ERN2: variants seen among roughly 807,000 people sequenced by gnomAD.
ERN2 encodes serine/threonine-protein kinase/endoribonuclease IRE2.
In ERN2, 111 loss-of-function variants were observed where a neutral mutation model predicts 107.9. That is an observed-to-expected ratio of 1.03 (90% CI 0.88 to 1.20). The LOEUF (loss-of-function observed/expected upper bound fraction) is 1.20, where lower values mean the gene tolerates loss of function less well. Among genes scored for constraint, ERN2 ranks in the 50% most tolerant of loss-of-function variants. ERN2 has a pLI of 0.00. For synonymous variants in ERN2, 524 were observed against 501.7 expected, an observed-to-expected ratio of 1.04 and a Z score of -0.59; for missense variants, 1,225 against 1,197.9, an observed-to-expected ratio of 1.02 and a Z score of -0.33.
chr16:23,693,597 A>AT (rs1555466485), intron 17 of ERN2, among the ~76,000 whole-genome samples: 5 of 140,212 alleles, frequency 3.6e-5, no homozygotes, highest in African/African-American at 1.4e-4. Context: ...CTCAAAAAAA[A>AT]AAAAATATAT....
At chr16:23,702,603 C>T in intron 9 of ERN2, 21 bp downstream of exon 9, 1 of 1,614,098 alleles carries the variant, frequency 6.2e-7, no homozygotes, top group Non-Finnish European at 8.5e-7. Context: ...CTTTCCAGCC[C>T]ACTCAGAGAC....
chr16:23,699,766 A>T (rs929512168), intron 13 of ERN2, among the ~76,000 whole-genome samples: 3 of 152,182 alleles, frequency 2.0e-5, no homozygotes, highest in Non-Finnish European at 4.4e-5. Flanking sequence ...AGAAAAGATA[A>T]GTGTTTAAAA....
At chr16:23,712,746 A>G in intron 1 of ERN2, 1 of 271,588 alleles carries the variant, frequency 3.7e-6, no homozygotes, top group Non-Finnish European at 6.9e-6. Context: ...AGTCAATCAT[A>G]TTTTCAAAGG....
At position 23,695,194 on chromosome 16, in the gene ERN2, A is replaced by G; in HGVS notation, c.1800+6T>C. On this transcript the variant is annotated splice_donor_region_variant and intron_variant, in intron 15 of 21. Transcript: ENST00000256797. Reference sequence around the variant, plus strand: ...CTCACCCTCCCTGAACCGCAATGCAACTCACCTCCTGCAAGGAGGCCCGGC... The same window carrying G: ...CTCACCCTCCCTGAACCGCAATGCAGCTCACCTCCTGCAAGGAGGCCCGGC... The G allele has an allele frequency of 6.2e-7, 1 of 1,613,810 alleles. No individual in the cohort carries two copies. Among genetic ancestry groups the G allele is most frequent in the Non-Finnish European group, 8.5e-7 (1 of 1,179,842 alleles).
chr16:23,695,013 G>C lies in ERN2; in HGVS notation c.1900+6C>G, dbSNP rs367793071. The C allele has an allele frequency of 2.5e-6, 4 of 1,612,806 alleles. No individual in the cohort carries two copies. Among genetic ancestry groups the C allele is most frequent in the Non-Finnish European group, 3.4e-6 (4 of 1,179,366 alleles). On this transcript the variant is annotated splice_donor_region_variant and intron_variant, in intron 16 of 21. Coordinates refer to ENST00000256797, the MANE Select transcript of ERN2 (RefSeq NM_033266.4). ...AGGGAGCGGGAGGCAGGGGAAGTGCGGGTACCTATGTGTAAAGAGTGCAGG... is the reference window on the plus strand; with the variant it reads ...AGGGAGCGGGAGGCAGGGGAAGTGCCGGTACCTATGTGTAAAGAGTGCAGG...
chr16:23,692,217 G>T lies in ERN2; in HGVS notation c.2215C>A (p.Pro739Thr). The T allele has an allele frequency of 6.2e-7, 1 of 1,614,156 alleles. No individual in the cohort carries two copies. The highest frequency in any genetic ancestry group is 8.5e-7 in the Non-Finnish European group (1 of 1,180,022). The change falls in exon 18 of 22, where the codon CCC becomes ACC. Residue 739 changes from proline (P) to threonine (T), a missense_variant. Pro to Thr is a conservative substitution (Grantham distance 38, BLOSUM62 -1). Transcript: ENST00000256797. ...YRQANILTGA[P>T]CLAHLEEEVH... ...TCTTCCTCCAGGTGAGCCAGACAGG[G>T]AGCCCCTGTGAGGATGTTTGCCTGG...
rs776899206 is a variant in ERN2 at position 23,700,665 on chromosome 16, G to C, written c.1399C>G (p.Leu467Val). ...QVVEKQQETP[L>V]APADFAHISQ... Reference sequence around the variant, plus strand: ...ATGTGAGCAAAGTCTGCAGGTGCCAGGGGGGTCTCCTGCTGCTTCTCCACC... The same window carrying C: ...ATGTGAGCAAAGTCTGCAGGTGCCACGGGGGTCTCCTGCTGCTTCTCCACC... Residue 467 changes from leucine (L) to valine (V), a missense_variant, in exon 13 of 22, where the codon CTG becomes GTG. Physicochemically the swap from Leu to Val is conservative, Grantham distance 32 (BLOSUM62 1). Transcript: ENST00000256797. The C allele has an allele frequency of 6.2e-6, 10 of 1,613,186 alleles. No homozygotes were observed. The highest frequency in any genetic ancestry group is 7.6e-6 in the Non-Finnish European group (9 of 1,179,644).
rs1035554944 is a variant in ERN2 at position 23,696,204 on chromosome 16, G to A, written c.1526-226C>T. Reference sequence around the variant, plus strand: ...CAAATTCCTCACTTCTGTGCCCTCGGTATTCTCATCTGTAGAGTGGGGAGC... The same window carrying A: ...CAAATTCCTCACTTCTGTGCCCTCGATATTCTCATCTGTAGAGTGGGGAGC... On this transcript the variant is annotated intron_variant, in intron 13 of 21. Transcript: ENST00000256797. Among the ~76,000 whole-genome samples the A allele has an allele frequency of 1.7e-4, 26 of 152,314 alleles. No homozygotes were observed. In the East Asian group the frequency reaches 4.4e-3, roughly 26 times the overall value.
At chr16:23,702,762 A>G in intron 8 of ERN2, 60 bp from the exon 9 acceptor site, 6 of 1,390,404 alleles carry the variant, frequency 4.3e-6, no homozygotes, top group East Asian at 2.3e-5. Context: ...AGTTTCAGTT[A>G]TCAAGGTACT....
At chr16:23,696,091 C>A in intron 13 of ERN2, 113 bp from the exon 14 acceptor site, 1 of 751,686 alleles carries the variant, frequency 1.3e-6, no homozygotes, top group East Asian at 2.7e-5. Flanking sequence ...CATGCTCAGC[C>A]TGGTGCAGTG....
At chr16:23,695,427 A>C (rs1468886218) in intron 14 of ERN2, 38 bp from the exon 15 acceptor site, 1 of 1,546,438 alleles carries the variant, frequency 6.5e-7, no homozygotes, top group Admixed American at 2.0e-5. Context: ...GGGGGCATTC[A>C]GGGAAAGCAG....
At position 23,701,112 on chromosome 16, in the gene ERN2, T is replaced by G. The variant is rs763050171; in HGVS notation, c.1206A>C (p.Leu402=). The G allele has an allele frequency of 6.2e-7, 1 of 1,612,722 alleles. No individual in the cohort carries two copies. Among genetic ancestry groups the G allele is most frequent in the Non-Finnish European group, 8.5e-7 (1 of 1,179,552 alleles). Residue 402 remains leucine, a splice_region_variant and synonymous_variant, in exon 12 of 22, where the codon CTA becomes CTC. Transcript: ENST00000256797. ...NTQAPAFFLE[L]LSLSREKLWD... The stretch of plus-strand genomic sequence containing the variant: ...AAAGTTTCTCTCGGCTCAGGCTCAA[T>G]AGCTGGGGATAAAGGGCCCTTCACT...
At chr16:23,707,400 C>T (rs1460009777) in intron 4 of ERN2, 2 of 354,174 alleles carry the variant, frequency 5.6e-6, no homozygotes, top group Non-Finnish European at 1.1e-5. Context: ...TGCTCTCGGC[C>T]TGACCTGACC....
chr16:23,699,776 A>G (rs1233156420), intron 13 of ERN2, among the ~76,000 whole-genome samples: 1 of 152,214 alleles, frequency 6.6e-6, no homozygotes, highest in East Asian at 1.9e-4. Flanking sequence ...AGTGTTTAAA[A>G]AATAAAAGGT....
At chr16:23,702,302 T>C (rs773973442) in intron 10 of ERN2, 29 bp from the exon 11 acceptor site, 2 of 1,613,582 alleles carry the variant, frequency 1.2e-6, no homozygotes, top group Middle Eastern at 1.7e-4. Flanking sequence ...GTCATCAGGC[T>C]GAAGGGGACC....
At chr16:23,707,762 C>T (rs1042049706) in intron 4 of ERN2, among the ~76,000 whole-genome samples, 3 of 152,104 alleles carry the variant, frequency 2.0e-5, no homozygotes. Flanking sequence ...GCACACACAT[C>T]AAGTGGGGAG....
At chr16:23,707,220 G>C (rs368505054) in intron 4 of ERN2, 141 bp from the exon 5 acceptor site, 1 of 679,216 alleles carries the variant, frequency 1.5e-6, no homozygotes, top group South Asian at 1.7e-5. Flanking sequence ...CTGGGGCTTG[G>C]AGAGGCCATG....
Position 23,692,925 on chromosome 16 carries a change from C to T in ERN2, c.2101-594G>A, listed in dbSNP as rs542365401. 4.0e-4 allele frequency among the ~76,000 whole-genome samples: 61 copies of T among 151,910 alleles called. 1 individual carries two copies. The highest frequency in any genetic ancestry group is 6.6e-4 in the Non-Finnish European group (45 of 67,998). ...TGTAGAGATGGGTCTTCTTATGTTA[C>T]CCAGCCCGATCTTGAACTTTTGGCC... On this transcript the variant is annotated intron_variant, in intron 17 of 21. Transcript: ENST00000256797.
rs140566815 is a variant in ERN2, at chr16:23,699,299, C to T, written c.1525+1240G>A. On this transcript the variant is annotated intron_variant, in intron 13 of 21. Transcript: ENST00000256797. Reference sequence around the variant, plus strand: ...CATAGACTTCCGCCTGAGAAGGTGACGGCAGGGTGGGGCCAAGGTATGAGG... The same window carrying T: ...CATAGACTTCCGCCTGAGAAGGTGATGGCAGGGTGGGGCCAAGGTATGAGG... Among the ~76,000 whole-genome samples the T allele has an allele frequency of 5.3e-5, 8 of 152,240 alleles. No individual in the cohort carries two copies. The East Asian group carries it at 5.8e-4, about 11-fold the overall frequency.
Sources: allele counts gnomAD v4.1 joint callset (sites outside exome capture counted in the v4.1 genomes callset), GRCh38; gene constraint gnomAD v4.1.1; transcripts MANE v1.5; gene names NCBI Gene and HGNC (gene_info 2026-07-23, HGNC 2026-07-21).